Variants in CNPPD1 observed in about 807,000 individuals in gnomAD.
CNPPD1 encodes cyclin Pas1/PHO80 domain containing 1.
In CNPPD1, 40 loss-of-function variants were observed where a neutral mutation model predicts 43.7. The ratio of observed to expected loss-of-function variants is 0.92; its 90% CI spans 0.71 to 1.19. CNPPD1 has a LOEUF of 1.19. Among genes scored for constraint, CNPPD1 ranks in the 50% most tolerant of loss-of-function variants. The probability of loss-of-function intolerance (pLI) is 0.00; values close to 1 mark genes in which losing one functional copy is unlikely to be tolerated. For missense variants in CNPPD1, 511 were observed against 518.5 expected, an observed-to-expected ratio of 0.99 and a Z score of 0.14; for synonymous variants, 208 against 214.3, an observed-to-expected ratio of 0.97 and a Z score of 0.26.
At chr2:219,177,954 G>C (rs1456738676), upstream of CNPPD1, 2 of 154,108 alleles carry the variant, frequency 1.3e-5, no homozygotes, top group Non-Finnish European at 2.9e-5. Flanking sequence ...GACCCTACCG[G>C]GGATACTGGG....
At chr2:219,176,392 G>C in intron 1 of CNPPD1, 61 bp from the exon 2 acceptor site, 1 of 1,306,446 alleles carries the variant, frequency 7.7e-7, no homozygotes, top group Non-Finnish European at 1.1e-6. Flanking sequence ...GCAGATCCTG[G>C]CTCTGGGCTG....
intron 3 of CNPPD1, 136 bp from the exon 4 acceptor site, chr2:219,175,244 T>G: frequency 1.0e-5 from 12 of 1,182,650 alleles, no homozygotes; most frequent in Non-Finnish European, 1.4e-5. Flanking sequence ...CTCATGTCTG[T>G]AATCCCAGCA....
chr2:219,175,159 GCA>G (rs1559215715), intron 3 of CNPPD1, 51 bp from the exon 4 acceptor site: 1 of 1,526,838 alleles, frequency 6.5e-7, no homozygotes, highest in South Asian at 1.3e-5. Context: ...TTCAGCTCTT[GCA>G]AGTCTTATGA....
rs773320828 is a variant in CNPPD1 at position 219,172,561 on chromosome 2, C to T, written c.*25G>A. 9 of 1,612,940 alleles carry T rather than the reference C, an allele frequency of 5.6e-6. No homozygotes were observed. In the East Asian group the frequency reaches 1.8e-4, roughly 32 times the overall value. The stretch of plus-strand genomic sequence containing the variant: ...AGGTTCTCAGAAACTCCCAAACCCT[C>T]TTAATGCATTCCTCACAGCCCTACC... On this transcript the variant is annotated 3_prime_UTR_variant, in exon 8 of 8. Transcript: ENST00000360507.
rs747908388 is a variant in CNPPD1 at position 219,173,335 on chromosome 2, C to T, written c.690+15G>A. 47 of 1,607,626 alleles carry T rather than the reference C, an allele frequency of 2.9e-5. No individual in the cohort carries two copies. The highest frequency in any genetic ancestry group is 6.6e-5 in the South Asian group (6 of 90,772). On this transcript the variant is annotated intron_variant, in intron 7 of 7. Coordinates refer to ENST00000360507, the MANE Select transcript of CNPPD1 (RefSeq NM_015680.6). ...GGCCTGCTCAAGCTCCCTATCCTTCCGAGCCCCTCCTCACCTTTACCAGCC... is the reference window on the plus strand; with the variant it reads ...GGCCTGCTCAAGCTCCCTATCCTTCTGAGCCCCTCCTCACCTTTACCAGCC...
upstream of CNPPD1, chr2:219,177,590 C>G (rs1008005539): frequency 3.5e-4 from 53 of 151,792 alleles, no homozygotes; most frequent in African/African-American, 1.2e-3. Flanking sequence ...AAACCTAAGG[C>G]TACTGAGGAA....
chr2:219,176,403 G>C (rs1172326843), intron 1 of CNPPD1, 72 bp from the exon 2 acceptor site: 2 of 1,220,026 alleles, frequency 1.6e-6, no homozygotes, highest in African/African-American at 3.0e-5. Flanking sequence ...CTCTGGGCTG[G>C]AAGGCGGGGC....
chr2:219,172,825 G>A lies in CNPPD1; in HGVS notation c.994C>T (p.Leu332Phe). 1 of 1,592,266 alleles carries A rather than the reference G, an allele frequency of 6.3e-7. No individual in the cohort carries two copies. Among genetic ancestry groups the A allele is most frequent in the Non-Finnish European group, 8.6e-7 (1 of 1,169,426 alleles). ...TGGCAAAGGTGGCAGTTATGAAGAA[G>A]AGTGGGAGGGGCAGGGGGGTCTGGG... Reference protein sequence around the residue: ...PPPDPPAPPTLLHNCHLCQKL... With the variant: ...PPPDPPAPPTFLHNCHLCQKL... Residue 332 changes from leucine to phenylalanine, a missense_variant, in exon 8 of 8, where the codon CTT becomes TTT. Transcript: ENST00000360507.
At position 219,175,078 on chromosome 2, in the gene CNPPD1, C is replaced by A; in HGVS notation, c.291G>T (p.Met97Ile). Residue 97 changes from methionine to isoleucine, a missense_variant, in exon 4 of 8, where the codon ATG (methionine) becomes ATT (isoleucine). Physicochemically the swap from Met to Ile is conservative, Grantham distance 10 (BLOSUM62 1). Coordinates refer to ENST00000360507, the MANE Select transcript of CNPPD1 (RefSeq NM_015680.6). ...GCCGTTCAATGTACACCAGAGCCAG[C>A]ATCATAGCACATGGGGAGATGCATG... Reference protein sequence around the residue: ...REACISPCAMMLALVYIERLR... With the variant: ...REACISPCAMILALVYIERLR... The A allele has an allele frequency of 6.2e-7, 1 of 1,609,892 alleles. No individual in the cohort carries two copies. The highest frequency in any genetic ancestry group is 8.5e-7 in the Non-Finnish European group (1 of 1,178,478).
chr2:219,178,154 G>A, upstream of CNPPD1: 1 of 293,006 alleles, frequency 3.4e-6, no homozygotes, highest in Non-Finnish European at 6.2e-6. Flanking sequence ...CAGCCGCCGG[G>A]GCGCATGCGC....
chr2:219,177,177 G>A (rs866870417), upstream of CNPPD1: 3 of 224,792 alleles, frequency 1.3e-5, no homozygotes, highest in Non-Finnish European at 1.7e-5. Context: ...GCGTTTACAA[G>A]CCGCGGGGGT....
rs371596927 is a variant in CNPPD1 at position 219,176,833 on chromosome 2, C to A, written c.-5G>T. On this transcript the variant is annotated 5_prime_UTR_variant, in exon 1 of 8. Transcript: ENST00000360507. ...CAGGAGCCCGGTCAGGTCCATCGCG[C>A]CGCCAGTCGCCGCCCTGCGAAGGTG... 2 of 1,567,086 alleles carry A rather than the reference C, an allele frequency of 1.3e-6. No individual in the cohort carries two copies. Among genetic ancestry groups the A allele is most frequent in the East Asian group, 2.4e-5 (1 of 42,056 alleles).
chr2:219,176,109 G>A (rs1950154232), intron 2 of CNPPD1, 114 bp downstream of exon 2: 9 of 741,782 alleles, frequency 1.2e-5, no homozygotes, highest in South Asian at 4.9e-5. Context: ...AAGTACCAAC[G>A]AGCTAGCAAT....
intron 3 of CNPPD1, 70 bp from the exon 4 acceptor site, chr2:219,175,178 T>G (rs1334461034): frequency 1.3e-6 from 2 of 1,502,548 alleles, no homozygotes; most frequent in Admixed American, 2.2e-5. Flanking sequence ...ATGATGCTCG[T>G]TCCTGTCTTT....
At position 219,173,563 on chromosome 2, in the gene CNPPD1, G is replaced by A. The variant is rs564420606; in HGVS notation, c.573-96C>T. The A allele has an allele frequency of 1.9e-5, 20 of 1,040,266 alleles. No individual in the cohort carries two copies. The South Asian group carries it at 2.3e-4, about 12-fold the overall frequency. The allele number at this position is 1,040,266 out of a possible 1,614,324, so 64.4% of individuals were successfully genotyped here. A position where few individuals can be genotyped will look rare whatever the true frequency, so the allele number is the denominator to read the frequency against. On this transcript the variant is annotated intron_variant, in intron 6 of 7. Transcript: ENST00000360507. ...CTCAGGACCCACCAGGAAACACTGG[G>A]AAGCCTGTTAAACCCAGATTCCTAG...
At chr2:219,178,130 C>A, upstream of CNPPD1, 1 of 268,796 alleles carries the variant, frequency 3.7e-6, no homozygotes, top group Non-Finnish European at 6.7e-6. Context: ...CCTGTGTAGG[C>A]GCAGTGTCAG....
intron 2 of CNPPD1, among the ~76,000 whole-genome samples, 180 bp downstream of exon 2, chr2:219,176,043 T>C (rs1950153361): frequency 6.6e-6 from 1 of 152,244 alleles, no homozygotes; most frequent in Non-Finnish European, 1.5e-5. Context: ...GTGGCAGCAA[T>C]GTTTTTTATT....
At chr2:219,173,308 C>A (rs1337192935) in intron 7 of CNPPD1, 42 bp downstream of exon 7, 1 of 1,570,808 alleles carries the variant, frequency 6.4e-7, no homozygotes, top group African/African-American at 1.4e-5. Context: ...ACCCTACACA[C>A]CGGCCTGCTC....
At position 219,176,802 on chromosome 2, in the gene CNPPD1, G is replaced by A; in HGVS notation, c.27C>T (p.Asp9=). Residue 9 remains aspartate, a synonymous_variant, in exon 1 of 8, where the codon GAC becomes GAT. Transcript: ENST00000360507. MDLTGLLL[D]EEGTFSLAGF... ...CGGCGAGGGAGAAGGTGCCTTCTTC[G>A]TCCAGCAGGAGCCCGGTCAGGTCCA... 2 of 1,583,952 alleles carry A rather than the reference G, an allele frequency of 1.3e-6. No homozygotes were observed. The highest frequency in any genetic ancestry group is 1.7e-6 in the Non-Finnish European group (2 of 1,165,712).
Sources: gnomAD v4.1 joint callset for allele counts (sites outside exome capture counted in the v4.1 genomes callset) on GRCh38, gnomAD v4.1.1 for gene constraint, MANE v1.5 for transcripts, NCBI Gene and HGNC (gene_info 2026-07-23, HGNC 2026-07-21) for gene names.